The following ATF7IP variants were observed in gnomAD, a reference collection of about 807,000 sequenced individuals.
The protein encoded by ATF7IP is activating transcription factor 7 interacting protein, also known as activating transcription factor 7-interacting protein 1.
ATF7IP carries 23 observed loss-of-function variants against 106.4 expected under a neutral mutation model. The ratio of observed to expected loss-of-function variants is 0.22; its 90% CI spans 0.16 to 0.31. The LOEUF (loss-of-function observed/expected upper bound fraction) is 0.31, where lower values mean the gene tolerates loss of function less well. ATF7IP is among the 10% of genes least tolerant of loss of function. The pLI, the probability that ATF7IP is intolerant of heterozygous loss-of-function variation, is 1.00. For missense variants in ATF7IP, 1,334 were observed against 1,524.3 expected (o/e 0.88, Z 2.08); for synonymous variants, 542 against 539.0 (o/e 1.01, Z -0.08).
intron 1 of ATF7IP, among the ~76,000 whole-genome samples, chr12:14,397,034 C>T (rs1037299704): frequency 1.3e-5 from 2 of 152,054 alleles, no homozygotes; most frequent in African/African-American, 2.4e-5. Context: ...TGGTGGCGCA[C>T]GCCTGTCATT....
intron 1 of ATF7IP, chr12:14,368,998 A>G (rs1056404167): frequency 2.0e-5 from 3 of 151,744 alleles, no homozygotes; most frequent in African/African-American, 7.3e-5. Flanking sequence ...TGCGCATGCT[A>G]AAGTGCAGTG....
At chr12:14,444,019 A>T (rs1315927409) in intron 5 of ATF7IP, among the ~76,000 whole-genome samples, 1 of 152,198 alleles carries the variant, frequency 6.6e-6, no homozygotes, top group Non-Finnish European at 1.5e-5. Flanking sequence ...GTCAACAGTG[A>T]TTAGTACTAT....
At chr12:14,438,416 G>A in intron 5 of ATF7IP, 149 bp downstream of exon 5, 1 of 737,600 alleles carries the variant, frequency 1.4e-6, no homozygotes, top group Non-Finnish European at 2.1e-6. Flanking sequence ...CAGGGCTGCT[G>A]TAAAGAAAGT....
At chr12:14,453,228 T>C (rs1943277003) in intron 6 of ATF7IP, among the ~76,000 whole-genome samples, 1 of 152,230 alleles carries the variant, frequency 6.6e-6, no homozygotes, top group African/African-American at 2.4e-5. Context: ...GCTTCTTGAA[T>C]TTGCATCTCC....
At chr12:14,449,393 G>A (rs1039948927) in intron 6 of ATF7IP, among the ~76,000 whole-genome samples, 1 of 151,962 alleles carries the variant, frequency 6.6e-6, no homozygotes, top group Non-Finnish European at 1.5e-5. Flanking sequence ...TATTAAAGAG[G>A]CTGTCCTTAT....
chr12:14,449,773 G>C (rs1943123668), intron 6 of ATF7IP, among the ~76,000 whole-genome samples: 1 of 150,804 alleles, frequency 6.6e-6, no homozygotes, highest in African/African-American at 2.4e-5. Flanking sequence ...GAATCTGCAG[G>C]TTGCTTTGGG....
rs769886916 is a variant in ATF7IP, at chr12:14,499,248, C to T, written c.*1175C>T. 1 of 152,182 alleles carries T rather than the reference C, an allele frequency of 6.6e-6. No homozygotes were observed. Among genetic ancestry groups the T allele is most frequent in the Non-Finnish European group, 1.5e-5 (1 of 68,032 alleles). 9.4% of individuals were successfully genotyped at this position (152,182 alleles called of 1,614,324 possible). On this transcript the variant is annotated 3_prime_UTR_variant, in exon 15 of 15. Coordinates refer to ENST00000261168, the MANE Select transcript of ATF7IP (RefSeq NM_018179.5). ...GTCTCATCTTAGCCGGGCATGGTGG[C>T]GACAATCACATTTAACTCCAAAAAT...
rs542265478 is a variant in ATF7IP, at chr12:14,501,536, T to C, written c.*3463T>C. The C allele has an allele frequency of 6.6e-6, 1 of 152,322 alleles. No homozygotes were observed. Among genetic ancestry groups the C allele is most frequent in the African/African-American group, 2.4e-5 (1 of 41,586 alleles). 9.4% of individuals were successfully genotyped at this position (152,322 alleles called of 1,614,324 possible). ...CAGTTAACTTTATGAGGTAACTATATCCTTCTATTTCTCTGGACTCATTTT... is the reference window on the plus strand; with the variant it reads ...CAGTTAACTTTATGAGGTAACTATACCCTTCTATTTCTCTGGACTCATTTT... On this transcript the variant is annotated 3_prime_UTR_variant, in exon 15 of 15. Coordinates refer to ENST00000261168, the MANE Select transcript of ATF7IP (RefSeq NM_018179.5).
chr12:14,467,323 G>A (rs985971812), intron 10 of ATF7IP, among the ~76,000 whole-genome samples: 3 of 151,758 alleles, frequency 2.0e-5, no homozygotes, highest in African/African-American at 7.3e-5. Context: ...TTAAAACAAG[G>A]GCATCATTTG....
chr12:14,423,779 A>G, intron 1 of ATF7IP, 130 bp from the exon 2 acceptor site: 1 of 982,340 alleles, frequency 1.0e-6, no homozygotes, highest in East Asian at 2.7e-5. Context: ...AACAAGCAGT[A>G]GGTTTTCTAT....
intron 2 of ATF7IP, among the ~76,000 whole-genome samples, chr12:14,427,992 AG>A (rs1941943273): frequency 6.6e-6 from 1 of 152,224 alleles, no homozygotes; most frequent in African/African-American, 2.4e-5. Context: ...ATGCCAATAA[AG>A]AACTTCAAGC....
At chr12:14,462,264 T>G (rs968435752) in intron 9 of ATF7IP, among the ~76,000 whole-genome samples, 1 of 152,084 alleles carries the variant, frequency 6.6e-6, no homozygotes, top group African/African-American at 2.4e-5. Flanking sequence ...ACCACATTAT[T>G]TTTTGGATAT....
At chr12:14,428,070 C>T (rs963946266) in intron 2 of ATF7IP, among the ~76,000 whole-genome samples, 2 of 151,942 alleles carry the variant, frequency 1.3e-5, no homozygotes, top group African/African-American at 4.8e-5. Flanking sequence ...GAATTTCATC[C>T]ATTTCCTATA....
chr12:14,435,721 A>C (rs939084328), intron 3 of ATF7IP, among the ~76,000 whole-genome samples: 1 of 152,238 alleles, frequency 6.6e-6, no homozygotes, highest in African/African-American at 2.4e-5. Flanking sequence ...ATAGTTAAAA[A>C]TCTGACATGA....
At chr12:14,422,873 T>G (rs1348377033) in intron 1 of ATF7IP, among the ~76,000 whole-genome samples, 2 of 152,178 alleles carry the variant, frequency 1.3e-5, no homozygotes, top group Non-Finnish European at 2.9e-5. Context: ...GTGTACAAGT[T>G]TTTGTGTGGA....
intron 13 of ATF7IP, among the ~76,000 whole-genome samples, chr12:14,493,197 G>A (rs1233529063): frequency 2.6e-5 from 4 of 152,180 alleles, no homozygotes; most frequent in Admixed American, 2.0e-4. Context: ...AAGAAATTCA[G>A]CCTGATCCAA....
At chr12:14,431,454 G>A (rs2136592061) in intron 2 of ATF7IP, among the ~76,000 whole-genome samples, 1 of 151,712 alleles carries the variant, frequency 6.6e-6, no homozygotes, top group African/African-American at 2.4e-5. Context: ...GAGTGCAGTG[G>A]TGCGATATCG....
In ATF7IP at chr12:14,458,150, C is replaced by G. The variant is rs79442137; in HGVS notation, c.2158+855C>G. Among the ~76,000 whole-genome samples, 1,182 of 151,744 alleles carry G rather than the reference C, an allele frequency of 7.8e-3. 17 individuals are homozygous for G. The highest frequency in any genetic ancestry group is 0.027 in the African/African-American group (1,125 of 41,424). ...AAAATAGATAAAGTAATAGTAAACT[C>G]ATAATGTCTAACACAAAAAGCTTTT... On this transcript the variant is annotated intron_variant, in intron 8 of 14. Coordinates refer to ENST00000261168, the MANE Select transcript of ATF7IP (RefSeq NM_018179.5).
At chr12:14,427,039 A>G (rs1565502221) in intron 2 of ATF7IP, among the ~76,000 whole-genome samples, 1 of 152,124 alleles carries the variant, frequency 6.6e-6, no homozygotes, top group Non-Finnish European at 1.5e-5. Flanking sequence ...GGGAGTGCAG[A>G]TTAAGGTAAC....
Sources: gnomAD v4.1 joint callset for allele counts (sites outside exome capture counted in the v4.1 genomes callset) on GRCh38, gnomAD v4.1.1 for gene constraint, MANE v1.5 for transcripts, NCBI Gene and HGNC (gene_info 2026-07-23, HGNC 2026-07-21) for gene names.